DLG2: variants seen among roughly 807,000 people sequenced by gnomAD.
DLG2 encodes the protein disks large homolog 2.
In DLG2, 45 loss-of-function variants were observed where a neutral mutation model predicts 132.5. The ratio of observed to expected loss-of-function variants is 0.34; its 90% CI spans 0.27 to 0.44. The LOEUF (loss-of-function observed/expected upper bound fraction) is 0.44. Ranked by LOEUF, DLG2 falls within the 20% of genes least tolerant of loss-of-function variation. The pLI is 1.00. For missense variants in DLG2, 1,045 were observed against 1,196.9 expected (o/e 0.87, Z 1.87); for synonymous variants, 424 against 419.6 (o/e 1.01, Z -0.13).
At chr11:85,467,347 T>C (rs1353154362) in intron 3 of DLG2, among the ~76,000 whole-genome samples, 1 of 152,192 alleles carries the variant, frequency 6.6e-6, no homozygotes, top group Non-Finnish European at 1.5e-5. Context: ...CAACACTATG[T>C]TGAATAGGAG....
chr11:85,148,959 C>T (rs539503859), intron 5 of DLG2, among the ~76,000 whole-genome samples: 1 of 152,300 alleles, frequency 6.6e-6, no homozygotes, highest in African/African-American at 2.4e-5. Context: ...TTTCAGTTTT[C>T]TGCCTATAGC....
chr11:84,430,829 G>C (rs536945793), intron 7 of DLG2, among the ~76,000 whole-genome samples: 2 of 152,198 alleles, frequency 1.3e-5, no homozygotes, highest in African/African-American at 4.8e-5. Context: ...GCAGGGCTGC[G>C]TTCAGCATGG....
At chr11:84,522,891 C>T (rs1236805402) in intron 7 of DLG2, among the ~76,000 whole-genome samples, 2 of 152,152 alleles carry the variant, frequency 1.3e-5, no homozygotes, top group African/African-American at 4.8e-5. Context: ...CCATCACTAG[C>T]CTCAAAAGAA....
intron 4 of DLG2, among the ~76,000 whole-genome samples, chr11:85,157,210 C>T (rs2077650739): frequency 6.6e-6 from 1 of 152,264 alleles, no homozygotes; most frequent in Middle Eastern, 3.4e-3. Flanking sequence ...TTTCCTTGCT[C>T]CTCAGCTTGC....
rs7952667 is a variant in DLG2, at chr11:85,134,338, G to A, written c.282+20218C>T. 9.3e-3 allele frequency among the ~76,000 whole-genome samples: 1,393 copies of A among 149,392 alleles called. 19 individuals carry two copies. The highest frequency in any genetic ancestry group is 0.032 in the African/African-American group (1,304 of 40,692). ...AGGTCAGGAGATCGAGACCATCCCG[G>A]CTAAAACGGTGAAACCCCGTCTCTA... On this transcript the variant is annotated intron_variant, in intron 5 of 27. Transcript: ENST00000376104.
At chr11:84,086,160 T>C (rs11820237) in intron 10 of DLG2, among the ~76,000 whole-genome samples, 4,273 of 152,244 alleles carry the variant, frequency 0.028, 183 homozygotes, top group African/African-American at 0.096. Flanking sequence ...AAATCAAAGA[T>C]CTTCTTTAAC....
chr11:84,501,822 G>A (rs1410849358), intron 7 of DLG2, among the ~76,000 whole-genome samples: 1 of 152,036 alleles, frequency 6.6e-6, no homozygotes, highest in Non-Finnish European at 1.5e-5. Context: ...AGAGTAATTT[G>A]TTAAAGGAAA....
Position 83,456,632 on chromosome 11 carries a change from A to C in DLG2, c.*3186T>G, listed in dbSNP as rs1379376428. 7.2e-6 allele frequency: 1 copy of C among 139,328 alleles called. No homozygotes were observed. The highest frequency in any genetic ancestry group is 1.5e-5 in the Non-Finnish European group (1 of 65,132). The allele number at this position is 139,328 out of a possible 1,614,324, so 8.6% of individuals were successfully genotyped here. A position where few individuals can be genotyped will look rare whatever the true frequency, so the allele number is the denominator to read the frequency against. On this transcript the variant is annotated 3_prime_UTR_variant, in exon 28 of 28. Coordinates refer to ENST00000376104, the MANE Select transcript of DLG2 (RefSeq NM_001142699.3). ...CAACAACTCAGAGATGGTGGGAAGG[A>C]GGAATAGGAAAAGGAGAGGAACAAA...
In DLG2 at chr11:83,922,791, T is replaced by C. The variant is rs370919959; in HGVS notation, c.1496+7537A>G. Among the ~76,000 whole-genome samples the C allele has an allele frequency of 2.0e-5, 3 of 152,216 alleles. No individual in the cohort carries two copies. In the East Asian group the frequency reaches 5.8e-4, roughly 29 times the overall value. ...GTACAGCCCAGATTCCTCCAATTGC[T>C]AGATCAAAACACACACTTTGCAAAA... is the stretch of plus-strand genomic sequence containing the variant. On this transcript the variant is annotated intron_variant, in intron 15 of 27. Coordinates refer to ENST00000376104, the MANE Select transcript of DLG2 (RefSeq NM_001142699.3).
At chr11:84,633,388 A>C (rs570499499) in intron 6 of DLG2, among the ~76,000 whole-genome samples, 3 of 152,058 alleles carry the variant, frequency 2.0e-5, no homozygotes, top group Admixed American at 6.6e-5. Flanking sequence ...TTACTGTGAT[A>C]TGCCTCCTCT....
chr11:83,563,428 T>C (rs500328), intron 19 of DLG2, among the ~76,000 whole-genome samples: 60,707 of 152,114 alleles, frequency 0.4, 12,450 homozygotes, highest in Admixed American at 0.5. Context: ...AGAAAAGTCA[T>C]TGGAAGTGTT....
intron 3 of DLG2, among the ~76,000 whole-genome samples, chr11:85,395,746 A>AGC (rs2087284601): frequency 6.6e-6 from 1 of 152,124 alleles, no homozygotes; most frequent in Non-Finnish European, 1.5e-5. Context: ...TCACAGTGTA[A>AGC]ACAAAGAGGC....
intron 7 of DLG2, among the ~76,000 whole-genome samples, chr11:84,300,647 C>A (rs2098141296): frequency 6.6e-6 from 1 of 152,132 alleles, no homozygotes; most frequent in Non-Finnish European, 1.5e-5. Flanking sequence ...GCATAGTAAT[C>A]TATTGTGGCA....
intron 4 of DLG2, among the ~76,000 whole-genome samples, chr11:85,230,346 T>C (rs897447374): frequency 7.6e-6 from 1 of 131,820 alleles, no homozygotes; most frequent in African/African-American, 2.8e-5. Context: ...ATATTTTGTA[T>C]TATTTCCTTT....
intron 7 of DLG2, among the ~76,000 whole-genome samples, chr11:84,417,058 T>C (rs2098932157): frequency 1.3e-5 from 2 of 152,194 alleles, no homozygotes; most frequent in Non-Finnish European, 2.9e-5. Context: ...GATTCCATGA[T>C]TAGGCAGCTA....
At chr11:85,356,783 GAT>G (rs1282458402) in intron 3 of DLG2, among the ~76,000 whole-genome samples, 13 of 39,926 alleles carry the variant, frequency 3.3e-4, no homozygotes, top group African/African-American at 1.8e-3. Context: ...TAAGTAGATA[GAT>G]AGATAGATAG....
intron 6 of DLG2, among the ~76,000 whole-genome samples, chr11:84,894,706 A>G (rs979583015): frequency 1.1e-4 from 16 of 152,258 alleles, no homozygotes; most frequent in African/African-American, 3.9e-4. Context: ...AGGTTCAATG[A>G]TACTCTATAT....
At chr11:84,389,284 A>G (rs2098783396) in intron 7 of DLG2, among the ~76,000 whole-genome samples, 3 of 152,256 alleles carry the variant, frequency 2.0e-5, no homozygotes, top group Non-Finnish European at 2.9e-5. Flanking sequence ...CTTGTAAAGT[A>G]CATATAAATG....
chr11:83,767,596 G>A (rs575430613), intron 18 of DLG2, among the ~76,000 whole-genome samples: 3 of 152,272 alleles, frequency 2.0e-5, no homozygotes. Context: ...GTGATCTTGG[G>A]CAAGTTATTG....
Sources: allele counts gnomAD v4.1 joint callset (sites outside exome capture counted in the v4.1 genomes callset), GRCh38; gene constraint gnomAD v4.1.1; transcripts MANE v1.5; gene names NCBI Gene and HGNC (gene_info 2026-07-23, HGNC 2026-07-21).